NPIPB2: variants seen among roughly 807,000 people sequenced by gnomAD.
The protein encoded by NPIPB2 is nuclear pore complex interacting protein family member B2.
Under a neutral mutation model 30.8 loss-of-function variants are expected in NPIPB2, and 27 were observed. The ratio of observed to expected loss-of-function variants is 0.88; its 90% confidence interval spans 0.65 to 1.21. The LOEUF is 1.21. NPIPB2 is among the 50% of genes most tolerant of loss of function. NPIPB2 has a pLI of 0.00. For synonymous variants in NPIPB2, 147 were observed against 162.0 expected (o/e 0.91, Z 0.70); for missense variants, 440 against 446.2 (o/e 0.99, Z 0.13).
chr16:11,969,192 G>A (rs144207195), intron 1 of NPIPB2, among the ~76,000 whole-genome samples: 3 of 152,078 alleles, frequency 2.0e-5, no homozygotes, highest in African/African-American at 4.8e-5. Flanking sequence ...TATGGTTAGG[G>A]CGCTTCTCTC....
At chr16:11,975,210 G>T (rs566210757) in intron 1 of NPIPB2, among the ~76,000 whole-genome samples, 172 of 100,474 alleles carry the variant, frequency 1.7e-3, no homozygotes, top group Non-Finnish European at 3.0e-3. Flanking sequence ...TGCAGTGGCG[G>T]GATCTCGGCT....
chr16:11,932,651 C>G (rs1164305427), intron 4 of NPIPB2, among the ~76,000 whole-genome samples: 1 of 136,088 alleles, frequency 7.3e-6, no homozygotes, highest in African/African-American at 2.6e-5. Context: ...TGGCATATGC[C>G]TGTAGTCCCA....
chr16:11,954,330 A>C (rs2055092081), intron 1 of NPIPB2, among the ~76,000 whole-genome samples: 2 of 151,980 alleles, frequency 1.3e-5, no homozygotes, highest in African/African-American at 4.8e-5. Context: ...CTGAAAAAAA[A>C]TTAGCCGGTC....
intron 1 of NPIPB2, chr16:11,956,326 T>C (rs1000984569): frequency 6.6e-6 from 1 of 152,178 alleles, no homozygotes; most frequent in African/African-American, 2.4e-5. Flanking sequence ...GGTTCCCACA[T>C]TGCACTAAAA....
intron 1 of NPIPB2, chr16:11,965,417 T>C (rs2055185659): frequency 6.2e-7 from 1 of 1,614,208 alleles, no homozygotes; most frequent in Non-Finnish European, 8.5e-7. Flanking sequence ...GTTCTTCTAA[T>C]ACTCCTCCTC....
rs916726220 is a variant in NPIPB2 at position 11,951,064 on chromosome 16, G to C, written c.-583-8950C>G. On this transcript the variant is annotated intron_variant, in intron 1 of 5. Coordinates refer to the NPIPB2 transcript ENST00000538896. ...GGCTGCACACCTTTCAAATCAATTT[G>C]ACATCTCTCTCACTATGTCAAACTG... 2.0e-5 allele frequency among the ~76,000 whole-genome samples: 3 copies of C among 151,996 alleles called. No individual in the cohort carries two copies. The South Asian group carries it at 6.2e-4, about 32-fold the overall frequency.
At chr16:11,965,145 C>A in intron 1 of NPIPB2, 2 of 704,336 alleles carry the variant, frequency 2.8e-6, no homozygotes, top group South Asian at 1.9e-5. Context: ...ATGTGGTATT[C>A]AAATCCTTAG....
rs1175000144 is a variant in NPIPB2 at position 11,937,319 on chromosome 16, C to G, written c.192+221G>C. 1.6e-4 allele frequency among the ~76,000 whole-genome samples: 25 copies of G among 152,202 alleles called. No individual in the cohort carries two copies. In the East Asian group the frequency reaches 4.6e-3, roughly 28 times the overall value. ...AAGGTTAAAAAAACTTATTTTTGAC[C>G]AAAAGCTCTGTTGACATTCTATTAA... On this transcript the variant is annotated intron_variant, in intron 2 of 7. Coordinates refer to ENST00000399147, the Ensembl canonical transcript of NPIPB2.
At chr16:11,943,997 CAAA>C (rs398070768), upstream of NPIPB2, among the ~76,000 whole-genome samples, 2 of 50,348 alleles carry the variant, frequency 4.0e-5, no homozygotes, top group East Asian at 7.8e-4. Flanking sequence ...GACTCTGTCT[CAAA>C]AAAAAAAAAA....
intron 1 of NPIPB2, among the ~76,000 whole-genome samples, chr16:11,947,941 A>G (rs2055028065): frequency 6.7e-6 from 1 of 149,540 alleles, no homozygotes; most frequent in Non-Finnish European, 1.5e-5. Flanking sequence ...GGGGATTGCA[A>G]GAAGGTGAAA....
intron 1 of NPIPB2, chr16:11,976,481 C>T (rs1327340131): frequency 6.1e-6 from 2 of 325,704 alleles, no homozygotes; most frequent in East Asian, 4.8e-5. Context: ...GAAGTCGCCC[C>T]ATCACTCGTG....
At chr16:11,955,754 C>A (rs1044135228) in intron 1 of NPIPB2, among the ~76,000 whole-genome samples, 2 of 54,502 alleles carry the variant, frequency 3.7e-5, no homozygotes, top group Non-Finnish European at 8.3e-5. Context: ...AAGAAATTTG[C>A]CACTCCTCCT....
chr16:11,927,430 G>A (rs1346955289), exon 8 of NPIPB2: 41 of 1,173,166 alleles, frequency 3.5e-5, no homozygotes, highest in East Asian at 1.3e-4. Context: ...TCTTGGGCTC[G>A]GGTGATGATG....
intron 1 of NPIPB2, among the ~76,000 whole-genome samples, chr16:11,948,375 T>G (rs1020614540): frequency 6.6e-5 from 10 of 152,058 alleles, no homozygotes; most frequent in African/African-American, 2.4e-4. Flanking sequence ...CTCAACACCA[T>G]TTTTGAAATA....
intron 1 of NPIPB2, chr16:11,967,994 T>A (rs958388480): frequency 4.5e-6 from 4 of 879,198 alleles, no homozygotes; most frequent in Middle Eastern, 3.5e-4. Context: ...GTTAGATATA[T>A]TTCTCTAGGT....
upstream of NPIPB2, among the ~76,000 whole-genome samples, chr16:11,945,245 A>G (rs940087324): frequency 2.0e-5 from 3 of 151,890 alleles, no homozygotes; most frequent in Admixed American, 1.3e-4. Flanking sequence ...AGCCAATGAG[A>G]TAGTGTGTGC....
At chr16:11,957,228 G>A (rs1348657877) in intron 1 of NPIPB2, among the ~76,000 whole-genome samples, 1 of 146,510 alleles carries the variant, frequency 6.8e-6, no homozygotes, top group African/African-American at 2.6e-5. Context: ...GCAGTGGTGT[G>A]ATCTCGGTTC....
intron 1 of NPIPB2, among the ~76,000 whole-genome samples, chr16:11,953,021 G>C (rs8063976): frequency 0.018 from 2,808 of 152,204 alleles, 77 homozygotes; most frequent in African/African-American, 0.062. Flanking sequence ...AAGAGCACTA[G>C]AGTGCTCATG....
At chr16:11,972,474 G>A (rs114729066) in intron 1 of NPIPB2, among the ~76,000 whole-genome samples, 2 of 151,390 alleles carry the variant, frequency 1.3e-5, no homozygotes, top group Non-Finnish European at 2.9e-5. Context: ...ACTTTGGAGT[G>A]TGAGGCACAA....
Sources: gnomAD v4.1 joint callset for allele counts (sites outside exome capture counted in the v4.1 genomes callset) on GRCh38, gnomAD v4.1.1 for gene constraint, MANE v1.5 for transcripts, NCBI Gene and HGNC (gene_info 2026-07-23, HGNC 2026-07-21) for gene names.